Variants in GAS2L3 observed in about 807,000 individuals in gnomAD.
GAS2L3 encodes growth arrest specific 2 like 3.
A neutral mutation model predicts 37.0 loss-of-function variants in GAS2L3; 28 were observed. The ratio of observed to expected loss-of-function variants is 0.76; its 90% CI spans 0.56 to 1.04. GAS2L3 has a LOEUF of 1.04. GAS2L3 is among the 50% of genes least tolerant of loss of function. GAS2L3 has a pLI of 0.00. For missense variants in GAS2L3, 793 were observed against 817.6 expected, an observed-to-expected ratio of 0.97 and a Z score of 0.37; for synonymous variants, 290 against 296.6, an observed-to-expected ratio of 0.98 and a Z score of 0.23.
At position 100,624,064 on chromosome 12, in the gene GAS2L3, C is replaced by A; in HGVS notation, c.1259C>A (p.Ala420Asp). 6.2e-7 allele frequency: 1 copy of A among 1,614,036 alleles called. No homozygotes were observed. The highest frequency in any genetic ancestry group is 2.2e-5 in the East Asian group (1 of 44,872). ...GTAGGTAAAAACACTTCTTCACCAGCTTTACCAAGAACTGCACCTTGTATA... is the reference window on the plus strand; with the variant it reads ...GTAGGTAAAAACACTTCTTCACCAGATTTACCAAGAACTGCACCTTGTATA... ...NPVGKNTSSP[A>D]LPRTAPCISE... Residue 420 changes from alanine (A) to aspartate (D), a missense_variant, in exon 10 of 10, where the codon GCT (alanine) becomes GAT (aspartate). By Grantham distance (126) the Ala-to-Asp change is moderately radical (BLOSUM62 -2). Transcript: ENST00000547754.
intron 5 of GAS2L3, among the ~76,000 whole-genome samples, chr12:100,606,771 C>G (rs1956062329): frequency 6.6e-6 from 1 of 152,008 alleles, no homozygotes; most frequent in South Asian, 2.1e-4. Context: ...AATAAAAACT[C>G]TAACTTTATC....
chr12:100,583,953 G>A (rs989073058), intron 1 of GAS2L3, among the ~76,000 whole-genome samples: 5 of 152,094 alleles, frequency 3.3e-5, no homozygotes, highest in African/African-American at 9.7e-5. Context: ...AAGGTCCCCC[G>A]GCAGATGCTG....
chr12:100,612,100 T>A lies in GAS2L3; in HGVS notation c.404T>A (p.Ile135Asn), dbSNP rs758973803. 29 of 1,612,218 alleles carry A rather than the reference T, an allele frequency of 1.8e-5. No homozygotes were observed. Among genetic ancestry groups the A allele is most frequent in the Admixed American group, 5.0e-5 (3 of 59,984 alleles). ...TANFLHWCRDIGVDETYLFES... is the reference protein window; with the variant it reads ...TANFLHWCRDNGVDETYLFES... ...AACTTCCTTCACTGGTGTAGGGACA[T>A]TGGGGTTGATGAAACTTACCTCTTT... is the stretch of plus-strand genomic sequence containing the variant. Residue 135 changes from isoleucine to asparagine, a missense_variant, in exon 6 of 10, where the codon ATT becomes AAT. Ile to Asn is a moderately radical substitution (Grantham distance 149). Coordinates refer to ENST00000547754, the MANE Select transcript of GAS2L3 (RefSeq NM_174942.3).
chr12:100,586,257 A>G (rs1442299724), intron 1 of GAS2L3, among the ~76,000 whole-genome samples: 4 of 152,232 alleles, frequency 2.6e-5, no homozygotes, highest in Non-Finnish European at 5.9e-5. Context: ...ATTTCATCCA[A>G]CAACAGCAGA....
chr12:100,624,926 A>G lies in GAS2L3; in HGVS notation c.*36A>G, dbSNP rs1168819537. The G allele has an allele frequency of 5.6e-6, 8 of 1,440,626 alleles. No homozygotes were observed. Among genetic ancestry groups the G allele is most frequent in the South Asian group, 1.3e-5 (1 of 76,346 alleles). The allele number at this position is 1,440,626 out of a possible 1,614,324, so 89.2% of individuals were successfully genotyped here. On this transcript the variant is annotated 3_prime_UTR_variant, in exon 10 of 10. Transcript: ENST00000547754. ...ATTATAAAAAAAGAGAAAAGGAAGAATGAATGTGTTAGCTTCACATCTTAA... is the reference window on the plus strand; with the variant it reads ...ATTATAAAAAAAGAGAAAAGGAAGAGTGAATGTGTTAGCTTCACATCTTAA...
At chr12:100,621,897 G>GAGAGAGAGAGAA (rs1192404442) in intron 8 of GAS2L3, among the ~76,000 whole-genome samples, 4 of 150,500 alleles carry the variant, frequency 2.7e-5, no homozygotes, top group South Asian at 2.1e-4. Flanking sequence ...GAGAGAGAGA[G>GAGAGAGAGAGAA]AGAGAGAGAG....
At chr12:100,595,389 A>G (rs929504927) in intron 3 of GAS2L3, among the ~76,000 whole-genome samples, 1 of 151,570 alleles carries the variant, frequency 6.6e-6, no homozygotes, top group East Asian at 1.9e-4. Context: ...TTAAAATTTT[A>G]AAGAGTGGGT....
At position 100,620,217 on chromosome 12, in the gene GAS2L3, G is replaced by A. The variant is rs1465239505; in HGVS notation, c.648+1630G>A. On this transcript the variant is annotated intron_variant, in intron 8 of 9. Transcript: ENST00000547754. ...AATAGGGCAACGGTTTGGCAAATTA[G>A]GATTCATAATCTTAACAGGATAATC... 2.6e-5 allele frequency among the ~76,000 whole-genome samples: 4 copies of A among 151,962 alleles called. No homozygotes were observed. In the East Asian group the frequency reaches 7.7e-4, roughly 29 times the overall value.
At chr12:100,620,239 AATCATTGTG>A (rs1956237341) in intron 8 of GAS2L3, among the ~76,000 whole-genome samples, 1 of 152,032 alleles carries the variant, frequency 6.6e-6, no homozygotes, top group Non-Finnish European at 1.5e-5. Context: ...TTAACAGGAT[AATCATTGTG>A]ATCATTGTGA....
chr12:100,613,326 T>C (rs538473478), intron 6 of GAS2L3, among the ~76,000 whole-genome samples: 1 of 152,296 alleles, frequency 6.6e-6, no homozygotes, highest in Admixed American at 6.5e-5. Flanking sequence ...TAAGCTAATG[T>C]TTTTACTCTC....
intron 3 of GAS2L3, 67 bp downstream of exon 3, chr12:100,594,989 C>A: frequency 5.6e-6 from 4 of 712,256 alleles, no homozygotes; most frequent in Non-Finnish European, 8.8e-6. Flanking sequence ...TAATAATTAG[C>A]AAAGATAAAA....
chr12:100,589,681 A>T (rs1955822761), intron 1 of GAS2L3, among the ~76,000 whole-genome samples: 1 of 152,236 alleles, frequency 6.6e-6, no homozygotes, highest in East Asian at 1.9e-4. Flanking sequence ...ACTATATTAT[A>T]AGGCCATGGT....
chr12:100,579,230 C>T (rs1430830444), intron 1 of GAS2L3: 14 of 609,074 alleles, frequency 2.3e-5, no homozygotes, highest in South Asian at 1.7e-4. Flanking sequence ...TGCTAAGGTC[C>T]ATTCAGTGCT....
At chr12:100,574,542 C>G (rs921450295) in intron 1 of GAS2L3, among the ~76,000 whole-genome samples, 3 of 152,110 alleles carry the variant, frequency 2.0e-5, no homozygotes, top group African/African-American at 4.8e-5. Flanking sequence ...TGCAGTCACC[C>G]GTGGTTCCTT....
chr12:100,579,215 G>T, intron 1 of GAS2L3: 1 of 616,250 alleles, frequency 1.6e-6, no homozygotes, highest in Non-Finnish European at 3.0e-6. Flanking sequence ...TCCCCTTTCT[G>T]GATTTGCTAA....
intron 1 of GAS2L3, among the ~76,000 whole-genome samples, chr12:100,589,167 G>A (rs1470625342): frequency 6.6e-6 from 1 of 152,136 alleles, no homozygotes; most frequent in Non-Finnish European, 1.5e-5. Flanking sequence ...CACAATTTAT[G>A]TTCGTCTGCT....
rs1423291954 is a variant in GAS2L3 at position 100,625,504 on chromosome 12, A to G, written c.*614A>G. The G allele has an allele frequency of 6.6e-6, 1 of 151,668 alleles. No individual in the cohort carries two copies. Among genetic ancestry groups the G allele is most frequent in the African/African-American group, 2.4e-5 (1 of 40,986 alleles). The allele number at this position is 151,668 out of a possible 1,614,324, so 9.4% of individuals were successfully genotyped here. A position where few individuals can be genotyped will look rare whatever the true frequency, so the allele number is the denominator to read the frequency against. ...CAAATTGGAAGGAACTGATTGTTTC[A>G]TGTGGCTTATATTTACATTGGTAAT... On this transcript the variant is annotated 3_prime_UTR_variant, in exon 10 of 10. Coordinates refer to ENST00000547754, the MANE Select transcript of GAS2L3 (RefSeq NM_174942.3).
At chr12:100,589,285 A>G (rs1955817367) in intron 1 of GAS2L3, among the ~76,000 whole-genome samples, 1 of 151,848 alleles carries the variant, frequency 6.6e-6, no homozygotes, top group Admixed American at 6.6e-5. Context: ...CTATACACCA[A>G]CAGCAACCAA....
At position 100,584,198 on chromosome 12, in the gene GAS2L3, T is replaced by A. The variant is rs1182424883; in HGVS notation, c.-151-7538T>A. On this transcript the variant is annotated intron_variant, in intron 1 of 9. Coordinates refer to ENST00000547754, the MANE Select transcript of GAS2L3 (RefSeq NM_174942.3). ...TAGCTCAAAATAGTAAAAGGCACCA[T>A]ACAGGCAAGTAATAGGGAGAAATGT... 2.0e-5 allele frequency among the ~76,000 whole-genome samples: 3 copies of A among 152,104 alleles called. 1 individual carries two copies. Among genetic ancestry groups the A allele is most frequent in the Non-Finnish European group, 4.4e-5 (3 of 68,024 alleles).
Sources: gnomAD v4.1 joint callset for allele counts (sites outside exome capture counted in the v4.1 genomes callset) on GRCh38, gnomAD v4.1.1 for gene constraint, MANE v1.5 for transcripts, NCBI Gene and HGNC (gene_info 2026-07-23, HGNC 2026-07-21) for gene names.